The following SNX29 variants were observed in gnomAD, a reference collection of about 807,000 sequenced individuals.
The protein encoded by SNX29 is sorting nexin 29.
Under a neutral mutation model 102.1 loss-of-function variants are expected in SNX29, and 78 were observed. The observed-to-expected ratio is 0.76, with a 90% CI of 0.64 to 0.92. The LOEUF is 0.92. Among genes scored for constraint, SNX29 ranks in the 40% least tolerant of loss-of-function variants. The pLI is 0.00. For synonymous variants in SNX29, 580 were observed against 414.5 expected, an observed-to-expected ratio of 1.40 and a Z score of -4.85; for missense variants, 1,280 against 1,061.7, an observed-to-expected ratio of 1.21 and a Z score of -2.86.
intron 18 of SNX29, among the ~76,000 whole-genome samples, chr16:12,471,048 G>A (rs1257691589): frequency 2.6e-5 from 4 of 152,156 alleles, no homozygotes; most frequent in Admixed American, 2.6e-4. Flanking sequence ...ATGTAGCTGT[G>A]CGCCTTCACA....
chr16:12,362,551 A>ACCACCCCCCC (rs1464136306), intron 16 of SNX29, among the ~76,000 whole-genome samples: 1 of 23,496 alleles, frequency 4.3e-5, no homozygotes, highest in Admixed American at 5.2e-4. Flanking sequence ...TGGCTGCTGC[A>ACCACCCCCCC]CTCCCCCCCC....
intron 20 of SNX29, among the ~76,000 whole-genome samples, chr16:12,546,081 GTC>G (rs1430620035): frequency 1.3e-5 from 2 of 152,164 alleles, no homozygotes; most frequent in African/African-American, 2.4e-5. Context: ...TGAGTCCCCA[GTC>G]TCTCACTTCA....
At chr16:12,252,002 C>T (rs1385609902) in intron 14 of SNX29, among the ~76,000 whole-genome samples, 1 of 152,086 alleles carries the variant, frequency 6.6e-6, no homozygotes, top group Non-Finnish European at 1.5e-5. Context: ...CTCAAGCAGT[C>T]CTCTCACCTT....
intron 14 of SNX29, among the ~76,000 whole-genome samples, chr16:12,253,312 TG>T (rs1454557077): frequency 6.6e-6 from 1 of 152,212 alleles, no homozygotes; most frequent in East Asian, 1.9e-4. Flanking sequence ...ACTAGGCCCT[TG>T]GGCTGAAAGT....
rs754960732 is a variant in SNX29, at chr16:12,571,150, C to G, written c.*2521C>G. 4.3e-5 allele frequency: 10 copies of G among 230,644 alleles called. No individual in the cohort carries two copies. The highest frequency in any genetic ancestry group is 8.5e-5 in the Non-Finnish European group (10 of 117,678). The allele number at this position is 230,644 out of a possible 1,614,324, so 14.3% of individuals were successfully genotyped here. On this transcript the variant is annotated 3_prime_UTR_variant, in exon 21 of 21. Coordinates refer to ENST00000566228, the MANE Select transcript of SNX29 (RefSeq NM_032167.5). ...CAATGATTGGGTCCATCTTGCTGCT[C>G]AGAAGAATCCCGTCCTGCTCTCTAG... is the stretch of plus-strand genomic sequence containing the variant.
intron 18 of SNX29, among the ~76,000 whole-genome samples, chr16:12,444,528 C>T (rs1300638679): frequency 2.0e-5 from 3 of 152,230 alleles, no homozygotes; most frequent in Admixed American, 6.5e-5. Flanking sequence ...GTTGACTTTT[C>T]TTCTTTGCCT....
At chr16:12,149,299 C>G (rs1030195609) in intron 13 of SNX29, among the ~76,000 whole-genome samples, 1 of 152,204 alleles carries the variant, frequency 6.6e-6, no homozygotes, top group Non-Finnish European at 1.5e-5. Context: ...GCAAGTCACT[C>G]AAACACTTTC....
At chr16:12,235,495 G>A (rs1032502713) in intron 14 of SNX29, among the ~76,000 whole-genome samples, 1 of 152,070 alleles carries the variant, frequency 6.6e-6, no homozygotes, top group African/African-American at 2.4e-5. Flanking sequence ...ACTACTGCTT[G>A]AGTTTGTCAG....
intron 11 of SNX29, among the ~76,000 whole-genome samples, chr16:12,122,737 C>A (rs932515066): frequency 6.6e-6 from 1 of 152,228 alleles, no homozygotes; most frequent in East Asian, 1.9e-4. Context: ...TGACTGAACC[C>A]TCGGCATAGA....
intron 13 of SNX29, among the ~76,000 whole-genome samples, chr16:12,166,670 A>G (rs2056039538): frequency 1.3e-5 from 2 of 152,124 alleles, no homozygotes; most frequent in Non-Finnish European, 2.9e-5. Flanking sequence ...GGAAAACCCA[A>G]AGATCCCGTG....
At chr16:12,355,362 T>C (rs1475696003) in intron 15 of SNX29, among the ~76,000 whole-genome samples, 1 of 152,182 alleles carries the variant, frequency 6.6e-6, no homozygotes, top group Non-Finnish European at 1.5e-5. Flanking sequence ...TCATGTAAAG[T>C]ACTTACTGCA....
At chr16:12,034,776 C>T (rs2057429042) in intron 4 of SNX29, among the ~76,000 whole-genome samples, 1 of 152,046 alleles carries the variant, frequency 6.6e-6, no homozygotes, top group African/African-American at 2.4e-5. Flanking sequence ...TTTGGGAGGC[C>T]GAGGTGGGTG....
chr16:12,505,900 G>T (rs977488573), intron 19 of SNX29, among the ~76,000 whole-genome samples: 1 of 151,728 alleles, frequency 6.6e-6, no homozygotes, highest in Non-Finnish European at 1.5e-5. Flanking sequence ...TTCTATTTAG[G>T]CCTTCTTTAT....
intron 4 of SNX29, chr16:12,027,650 A>G: frequency 1.9e-6 from 1 of 527,052 alleles, no homozygotes; most frequent in Admixed American, 3.6e-5. Context: ...TCTTTTGTGC[A>G]GAATTCTCAG....
chr16:12,152,190 C>T (rs1413210340), intron 13 of SNX29, among the ~76,000 whole-genome samples: 1 of 152,010 alleles, frequency 6.6e-6, no homozygotes, highest in African/African-American at 2.4e-5. Context: ...CGTTGCACTC[C>T]AGCCTGGGCA....
intron 13 of SNX29, among the ~76,000 whole-genome samples, chr16:12,181,574 C>T (rs536209939): frequency 1.2e-4 from 19 of 152,022 alleles, no homozygotes; most frequent in Non-Finnish European, 2.4e-4. Flanking sequence ...TTCCCTTTAG[C>T]TTAGTGATAT....
At chr16:12,066,211 G>T (rs935556857) in intron 9 of SNX29, among the ~76,000 whole-genome samples, 1 of 152,200 alleles carries the variant, frequency 6.6e-6, no homozygotes, top group East Asian at 1.9e-4. Flanking sequence ...CTCTGCATGA[G>T]TTAGATTAGC....
chr16:12,555,733 CT>C (rs202087258), intron 20 of SNX29, among the ~76,000 whole-genome samples: 2,320 of 152,188 alleles, frequency 0.015, 55 homozygotes, highest in African/African-American at 0.052. Flanking sequence ...TTCACTTTTC[CT>C]TCCACCTCCC....
rs77134114 is a variant in SNX29, at chr16:12,510,214, C to A, written c.2179-14488C>A. Among the ~76,000 whole-genome samples the A allele has an allele frequency of 8.0e-3, 1,214 of 152,306 alleles. 19 individuals are homozygous for A. Among genetic ancestry groups the A allele is most frequent in the African/African-American group, 0.028 (1,158 of 41,558 alleles). On this transcript the variant is annotated intron_variant, in intron 19 of 20. Coordinates refer to ENST00000566228, the MANE Select transcript of SNX29 (RefSeq NM_032167.5). ...TGGAATTACAGGGTCATGTATTCTA[C>A]TGTGTTTAATTTGACCAAATATTGA...
Sources: allele counts gnomAD v4.1 joint callset (sites outside exome capture counted in the v4.1 genomes callset), GRCh38; gene constraint gnomAD v4.1.1; transcripts MANE v1.5; gene names NCBI Gene and HGNC (gene_info 2026-07-23, HGNC 2026-07-21).